Variants in TBC1D30 observed in about 807,000 individuals in gnomAD.
The protein encoded by TBC1D30 is TBC1 domain family, member 30.
A neutral mutation model predicts 63.2 loss-of-function variants in TBC1D30; 31 were observed. That is an observed-to-expected ratio of 0.49 (90% CI 0.37 to 0.66). TBC1D30 has a LOEUF of 0.66. Ranked by LOEUF, TBC1D30 falls within the 30% of genes least tolerant of loss-of-function variation. The pLI, the probability that TBC1D30 is intolerant of heterozygous loss-of-function variation, is 0.00. For synonymous variants in TBC1D30, 307 were observed against 361.5 expected (o/e 0.85, Z 1.71); for missense variants, 810 against 953.6 (o/e 0.85, Z 1.98).
chr12:64,872,189 G>C (rs1444318986), intron 11 of TBC1D30, among the ~76,000 whole-genome samples: 2 of 152,078 alleles, frequency 1.3e-5, no homozygotes, highest in Non-Finnish European at 2.9e-5. Context: ...CACCATGCCT[G>C]GCTGATTCTT....
intron 2 of TBC1D30, among the ~76,000 whole-genome samples, chr12:64,819,184 C>G (rs1043666600): frequency 1.3e-5 from 2 of 151,926 alleles, no homozygotes; most frequent in African/African-American, 4.8e-5. Flanking sequence ...TAAAGGATGC[C>G]TGTATTTAAA....
chr12:64,777,855 G>T (rs1871128835), upstream of TBC1D30, among the ~76,000 whole-genome samples: 1 of 152,242 alleles, frequency 6.6e-6, no homozygotes, highest in Non-Finnish European at 1.5e-5. Context: ...TGCCTACCAG[G>T]TTCAAGTGAT....
intron 1 of TBC1D30, among the ~76,000 whole-genome samples, chr12:64,769,901 G>A (rs1870844803): frequency 6.6e-6 from 1 of 152,140 alleles, no homozygotes; most frequent in African/African-American, 2.4e-5. Flanking sequence ...AGTATAAATT[G>A]TAATTTTGCA....
chr12:64,800,456 C>T (rs935740989), intron 2 of TBC1D30, among the ~76,000 whole-genome samples: 1 of 152,012 alleles, frequency 6.6e-6, no homozygotes, highest in East Asian at 1.9e-4. Flanking sequence ...GGAATCAGCT[C>T]GTAGAGTCGA....
intron 8 of TBC1D30, among the ~76,000 whole-genome samples, chr12:64,858,923 G>A (rs1877543935): frequency 6.6e-6 from 1 of 152,124 alleles, no homozygotes; most frequent in South Asian, 2.1e-4. Flanking sequence ...CTGAGGGGCA[G>A]GGGTGGAGTG....
intron 1 of TBC1D30, among the ~76,000 whole-genome samples, chr12:64,764,662 A>G (rs1210976599): frequency 6.6e-6 from 1 of 152,208 alleles, no homozygotes; most frequent in Non-Finnish European, 1.5e-5. Context: ...ATGCTTGACA[A>G]AGTTGACTTG....
chr12:64,849,767 G>T (rs59115634), intron 8 of TBC1D30, among the ~76,000 whole-genome samples: 2,149 of 152,194 alleles, frequency 0.014, 43 homozygotes, highest in African/African-American at 0.049. Flanking sequence ...CTCTTTTTTG[G>T]TTCCATATGA....
At chr12:64,777,361 A>G (rs1303395856), upstream of TBC1D30, among the ~76,000 whole-genome samples, 2 of 152,224 alleles carry the variant, frequency 1.3e-5, no homozygotes, top group African/African-American at 2.4e-5. Flanking sequence ...AGAAAACTCC[A>G]TCATCTCAGC....
At chr12:64,768,973 G>A (rs977084305) in intron 1 of TBC1D30, among the ~76,000 whole-genome samples, 3 of 152,042 alleles carry the variant, frequency 2.0e-5, no homozygotes, top group African/African-American at 4.8e-5. Flanking sequence ...TCTGTGCAAC[G>A]TGGCAAAACC....
intron 2 of TBC1D30, among the ~76,000 whole-genome samples, chr12:64,802,387 G>A (rs1394123711): frequency 6.6e-6 from 1 of 152,116 alleles, no homozygotes; most frequent in Non-Finnish European, 1.5e-5. Context: ...GCTGTTACCC[G>A]AGATGGCCAG....
At chr12:64,832,802 C>T (rs1874985647) in intron 5 of TBC1D30, among the ~76,000 whole-genome samples, 1 of 152,178 alleles carries the variant, frequency 6.6e-6, no homozygotes, top group Admixed American at 6.5e-5. Context: ...TGGACTGAGG[C>T]CATGGTTCCT....
Position 64,838,915 on chromosome 12 carries a change from C to T in TBC1D30, c.932+64C>T, listed in dbSNP as rs2136391403. ...GAGGGCCTTAAGCAGTTTTTGTGCT[C>T]TAACGTGTAAAGCAATATTTAAGTG... On this transcript the variant is annotated intron_variant, in intron 7 of 11. Coordinates refer to ENST00000539867, the MANE Select transcript of TBC1D30 (RefSeq NM_015279.2). 3.5e-6 allele frequency: 5 copies of T among 1,414,694 alleles called. No individual in the cohort carries two copies. In the African/African-American group the frequency reaches 4.3e-5, roughly 12 times the overall value. The allele number at this position is 1,414,694 out of a possible 1,614,324, so 87.6% of individuals were successfully genotyped here.
chr12:64,848,886 C>T (rs1415789099), intron 8 of TBC1D30, among the ~76,000 whole-genome samples: 1 of 152,190 alleles, frequency 6.6e-6, no homozygotes, highest in Non-Finnish European at 1.5e-5. Flanking sequence ...TTTACACTCC[C>T]ACCAACAGTG....
chr12:64,807,704 G>T (rs1349625418), intron 2 of TBC1D30, among the ~76,000 whole-genome samples: 4 of 151,620 alleles, frequency 2.6e-5, no homozygotes, highest in African/African-American at 4.9e-5. Context: ...TCCCAAACTG[G>T]TTTTTTTACC....
At chr12:64,850,247 A>AT (rs1565676817) in intron 8 of TBC1D30, among the ~76,000 whole-genome samples, 1 of 152,176 alleles carries the variant, frequency 6.6e-6, no homozygotes, top group African/African-American at 2.4e-5. Flanking sequence ...CTCTCTTCCT[A>AT]TTTGAATACT....
At chr12:64,851,258 A>C (rs979437223) in intron 8 of TBC1D30, among the ~76,000 whole-genome samples, 1 of 151,908 alleles carries the variant, frequency 6.6e-6, no homozygotes, top group Non-Finnish European at 1.5e-5. Flanking sequence ...AGGGTTTTTC[A>C]TGTCTCTATC....
chr12:64,793,489 C>CAAAAAAAA (rs56138627), intron 2 of TBC1D30, among the ~76,000 whole-genome samples: 2 of 115,476 alleles, frequency 1.7e-5, no homozygotes, highest in East Asian at 2.4e-4. Context: ...ACCAAAAATA[C>CAAAAAAAA]AAAAAAAAAA....
chr12:64,868,678 T>C (rs889847976), intron 10 of TBC1D30: 4 of 287,834 alleles, frequency 1.4e-5, no homozygotes, highest in Non-Finnish European at 2.6e-5. Context: ...ACCTTCTTTT[T>C]CTTCTCTTCG....
rs897327986 is a variant in TBC1D30 at position 64,797,904 on chromosome 12, G to A, written c.643+11859G>A. Among the ~76,000 whole-genome samples, 5 of 152,156 alleles carry A rather than the reference G, an allele frequency of 3.3e-5. No individual in the cohort carries two copies. In the South Asian group the frequency reaches 8.3e-4, roughly 25 times the overall value. Reference sequence around the variant, plus strand: ...TTCATCAGGTTTTCCATCTCTGCTGGATGATTTCAACCAGTATAGAAGCAT... The same window carrying A: ...TTCATCAGGTTTTCCATCTCTGCTGAATGATTTCAACCAGTATAGAAGCAT... On this transcript the variant is annotated intron_variant, in intron 2 of 12. Transcript: ENST00000542120.
Sources: gnomAD v4.1 joint callset for allele counts (sites outside exome capture counted in the v4.1 genomes callset) on GRCh38, gnomAD v4.1.1 for gene constraint, MANE v1.5 for transcripts, NCBI Gene and HGNC (gene_info 2026-07-23, HGNC 2026-07-21) for gene names.